The following NDUFAF6 variants were observed in gnomAD, a reference collection of about 807,000 sequenced individuals.
NDUFAF6 encodes the protein NADH dehydrogenase (ubiquinone) complex I, assembly factor 6.
Under a neutral mutation model 40.8 loss-of-function variants are expected in NDUFAF6, and 45 were observed. The ratio of observed to expected loss-of-function variants is 1.10; its 90% CI spans 0.87 to 1.42. NDUFAF6 has a LOEUF of 1.42. Among genes scored for constraint, NDUFAF6 ranks in the 40% most tolerant of loss-of-function variants. NDUFAF6 has a pLI of 0.00. For synonymous variants in NDUFAF6, 185 were observed against 155.9 expected (o/e 1.19, Z -1.39); for missense variants, 435 against 418.5 (o/e 1.04, Z -0.34).
chr8:94,929,752 A>G (rs527641029), intron 1 of NDUFAF6: 1 of 152,358 alleles, frequency 6.6e-6, no homozygotes, highest in Non-Finnish European at 1.5e-5. Flanking sequence ...ATAATCTCAC[A>G]GGTCTAATTT....
rs910682989 is a variant in NDUFAF6, at chr8:95,067,156, A to G, written c.*512-8477A>G. 5 of 152,210 alleles carry G rather than the reference A, an allele frequency of 3.3e-5. No individual in the cohort carries two copies. In the East Asian group the frequency reaches 5.8e-4, roughly 18 times the overall value. 9.4% of individuals were successfully genotyped at this position (152,210 alleles called of 1,614,324 possible). ...ACGTAATGAGTTAGAAACCTGTCCA[A>G]CCACATACCAGATGCATGGGCTGGG... is the stretch of plus-strand genomic sequence containing the variant. On this transcript the variant is annotated intron_variant and NMD_transcript_variant, in intron 9 of 9. Transcript: ENST00000520757.
intron 2 of NDUFAF6, chr8:94,950,172 C>T (rs1822460894): frequency 6.6e-6 from 1 of 152,364 alleles, no homozygotes; most frequent in Non-Finnish European, 1.5e-5. Context: ...GCCTAGCTCT[C>T]ATGTGACCCA....
downstream of NDUFAF6, among the ~76,000 whole-genome samples, chr8:95,060,926 A>G (rs191436830): frequency 5.0e-4 from 76 of 152,244 alleles, no homozygotes; most frequent in Non-Finnish European, 7.2e-4. Context: ...GGTGCTGGTC[A>G]CTGGGTGTAT....
At chr8:94,945,665 C>A (rs1340337905) in intron 2 of NDUFAF6, 4 of 152,176 alleles carry the variant, frequency 2.6e-5, no homozygotes. Flanking sequence ...CCCCAGATCA[C>A]CACTAATATT....
At chr8:94,914,126 T>TTC (rs1818970199) in intron 1 of NDUFAF6, among the ~76,000 whole-genome samples, 2 of 148,350 alleles carry the variant, frequency 1.3e-5, no homozygotes, top group African/African-American at 5.0e-5. Context: ...TTTTTTTTTT[T>TTC]CAGTGGTTTC....
In NDUFAF6 at chr8:95,032,017, T is replaced by C. The variant is rs997715661; in HGVS notation, c.220T>C (p.Leu74=). The C allele has an allele frequency of 9.3e-6, 15 of 1,614,092 alleles. No individual in the cohort carries two copies. In the Admixed American group the frequency reaches 1.8e-4, roughly 20 times the overall value. Residue 74 remains leucine, a synonymous_variant, in exon 2 of 9, where the codon TTA becomes CTA. Transcript: ENST00000396124. ...CAGGAAACGGGATTATGAAGGTTAT[T>C]TATGCTCCCTGCTGCTCCCTGCAGA... The part of the protein sequence containing the change: ...LLRKRDYEGY[L]CSLLLPAESR...
upstream of NDUFAF6, among the ~76,000 whole-genome samples, chr8:95,099,225 G>C (rs1809575581): frequency 6.6e-6 from 1 of 151,968 alleles, no homozygotes; most frequent in Non-Finnish European, 1.5e-5. Flanking sequence ...GGGTGACAGA[G>C]CAAGACCCTG....
chr8:94,941,415 A>G (rs1244938263), intron 1 of NDUFAF6, among the ~76,000 whole-genome samples: 1 of 152,196 alleles, frequency 6.6e-6, no homozygotes, highest in African/African-American at 2.4e-5. Context: ...AATTCTAGAT[A>G]GTAACAGTCT....
At chr8:94,896,342 G>A (rs1326468621) in intron 1 of NDUFAF6, 2 of 146,602 alleles carry the variant, frequency 1.4e-5, no homozygotes, top group Admixed American at 6.7e-5. Context: ...GTTCGCGCCC[G>A]AGCGCTGTTG....
chr8:94,960,600 C>T (rs757136377), intron 1 of NDUFAF6, among the ~76,000 whole-genome samples: 7 of 152,168 alleles, frequency 4.6e-5, no homozygotes, highest in South Asian at 2.1e-4. Flanking sequence ...ATTGGCAGAA[C>T]GCTAAATCCC....
At chr8:95,080,473 T>C (rs549719981), downstream of NDUFAF6, among the ~76,000 whole-genome samples, 696 of 151,656 alleles carry the variant, frequency 4.6e-3, 6 homozygotes, top group African/African-American at 0.016. Flanking sequence ...ATTTTTGTAG[T>C]GTATTTTTGT....
upstream of NDUFAF6, among the ~76,000 whole-genome samples, chr8:95,098,393 T>C (rs1247362870): frequency 6.6e-6 from 1 of 150,532 alleles, no homozygotes; most frequent in African/African-American, 2.4e-5. Flanking sequence ...CTTGGCCAGG[T>C]GCAGTGGCTC....
Position 95,041,603 on chromosome 8 carries a change from C to T in NDUFAF6, c.454C>T (p.Leu152Phe). The T allele has an allele frequency of 6.2e-7, 1 of 1,612,326 alleles. No homozygotes were observed. Among genetic ancestry groups the T allele is most frequent in the Non-Finnish European group, 8.5e-7 (1 of 1,178,584 alleles). The change falls in exon 4 of 9, where the codon CTT becomes TTT. Residue 152 changes from leucine (L) to phenylalanine (F), a missense_variant. By Grantham distance (22) the Leu-to-Phe change is conservative (BLOSUM62 0). Coordinates refer to ENST00000396124, the MANE Select transcript of NDUFAF6 (RefSeq NM_152416.4). Reference sequence around the variant, plus strand: ...AAGACATAATCTGACTAAAAGATGGCTTATGAAAATCGTCGATGAAAGAGT... The same window carrying T: ...AAGACATAATCTGACTAAAAGATGGTTTATGAAAATCGTCGATGAAAGAGT... ...VKRHNLTKRW[L>F]MKIVDEREKN...
intron 2 of NDUFAF6, among the ~76,000 whole-genome samples, chr8:94,993,861 G>A (rs986336928): frequency 1.3e-5 from 2 of 152,164 alleles, no homozygotes; most frequent in Non-Finnish European, 2.9e-5. Flanking sequence ...GATATTGGGG[G>A]AGATAGAGAA....
At chr8:95,089,978 G>A (rs531834187) in intron 2 of NDUFAF6, among the ~76,000 whole-genome samples, 6 of 152,212 alleles carry the variant, frequency 3.9e-5, no homozygotes, top group Admixed American at 6.5e-5. Context: ...TGCCCTGCGG[G>A]TCCTCTACCC....
chr8:94,909,460 AC>A (rs1818618328), intron 1 of NDUFAF6, among the ~76,000 whole-genome samples: 1 of 150,406 alleles, frequency 6.6e-6, no homozygotes. Flanking sequence ...CCCCGTCTGT[AC>A]TAAAAATACA....
intron 1 of NDUFAF6, among the ~76,000 whole-genome samples, chr8:95,028,142 T>C (rs747164139): frequency 2.6e-5 from 4 of 152,186 alleles, no homozygotes; most frequent in Non-Finnish European, 4.4e-5. Context: ...TAATACCCCG[T>C]GTGCTTGTTT....
intron 3 of NDUFAF6, among the ~76,000 whole-genome samples, chr8:95,038,449 C>A (rs1829761905): frequency 6.6e-6 from 1 of 151,746 alleles, no homozygotes; most frequent in African/African-American, 2.4e-5. Context: ...TGGCTCACTG[C>A]AGCTTTGATC....
At chr8:95,050,969 C>T (rs753592847) in intron 7 of NDUFAF6, among the ~76,000 whole-genome samples, 3 of 152,020 alleles carry the variant, frequency 2.0e-5, no homozygotes, top group Non-Finnish European at 2.9e-5. Flanking sequence ...ACAGTGACAA[C>T]GGAAACTAAA....
Sources: allele counts gnomAD v4.1 joint callset (sites outside exome capture counted in the v4.1 genomes callset), GRCh38; gene constraint gnomAD v4.1.1; transcripts MANE v1.5; gene names NCBI Gene and HGNC (gene_info 2026-07-23, HGNC 2026-07-21).